The following SYN2 variants were observed in gnomAD, a reference collection of about 807,000 sequenced individuals.
SYN2 encodes synapsin II.
In SYN2, 19 loss-of-function variants were observed where a neutral mutation model predicts 50.9. The ratio of observed to expected loss-of-function variants is 0.37; its 90% CI spans 0.26 to 0.55. The LOEUF (loss-of-function observed/expected upper bound fraction) is 0.55. Ranked by LOEUF, SYN2 falls within the 20% of genes least tolerant of loss-of-function variation. The pLI is 0.81. For missense variants in SYN2, 587 were observed against 576.4 expected, an observed-to-expected ratio of 1.02 and a Z score of -0.19; for synonymous variants, 255 against 224.9, an observed-to-expected ratio of 1.13 and a Z score of -1.20.
intron 5 of SYN2, chr3:12,158,804 G>T (rs1405442097): frequency 6.2e-7 from 1 of 1,601,394 alleles, no homozygotes. Context: ...CGCAGCAACA[G>T]CACCCAGCTT....
At chr3:12,014,262 T>C (rs1004977065) in intron 1 of SYN2, among the ~76,000 whole-genome samples, 1 of 152,110 alleles carries the variant, frequency 6.6e-6, no homozygotes, top group African/African-American at 2.4e-5. Flanking sequence ...CTTTGCCATA[T>C]TGAATTGAGC....
At chr3:12,108,892 A>G (rs1406419884) in intron 1 of SYN2, among the ~76,000 whole-genome samples, 1 of 150,222 alleles carries the variant, frequency 6.7e-6, no homozygotes, top group Non-Finnish European at 1.5e-5. Flanking sequence ...CTTAAAAGAG[A>G]GGGAAGGAAA....
intron 1 of SYN2, chr3:12,071,572 C>T (rs1695355983): frequency 3.0e-6 from 1 of 338,730 alleles, no homozygotes; most frequent in African/African-American, 2.1e-5. Context: ...TAACTTTTAC[C>T]CCTTGGTATT....
intron 1 of SYN2, among the ~76,000 whole-genome samples, chr3:12,138,012 T>C (rs933673691): frequency 6.6e-6 from 1 of 152,226 alleles, no homozygotes; most frequent in Non-Finnish European, 1.5e-5. Flanking sequence ...CCCCAGATTG[T>C]GATTCCAGAG....
intron 1 of SYN2, among the ~76,000 whole-genome samples, chr3:12,078,545 A>T (rs1695520911): frequency 6.6e-6 from 1 of 152,160 alleles, no homozygotes; most frequent in Non-Finnish European, 1.5e-5. Flanking sequence ...TTCCAGCACC[A>T]TTTATTAAAT....
chr3:12,097,671 G>A (rs370113230), intron 1 of SYN2, among the ~76,000 whole-genome samples: 117 of 151,946 alleles, frequency 7.7e-4, no homozygotes, highest in African/African-American at 2.6e-3. Context: ...ATACTATGCA[G>A]CCATAAAAAA....
At chr3:12,133,910 A>G (rs1471728125) in intron 1 of SYN2, among the ~76,000 whole-genome samples, 1 of 152,252 alleles carries the variant, frequency 6.6e-6, no homozygotes, top group African/African-American at 2.4e-5. Flanking sequence ...GCAAATTAAT[A>G]CAGATGAAGT....
At chr3:12,050,186 C>T (rs1036662600) in intron 1 of SYN2, among the ~76,000 whole-genome samples, 1 of 152,120 alleles carries the variant, frequency 6.6e-6, no homozygotes, top group Non-Finnish European at 1.5e-5. Flanking sequence ...CAGGCATGAG[C>T]CACCGAACCC....
chr3:12,168,319 C>G, intron 8 of SYN2, 57 bp from the exon 9 acceptor site: 2 of 1,463,062 alleles, frequency 1.4e-6, no homozygotes, highest in Non-Finnish European at 1.9e-6. Flanking sequence ...GACTGGCAAG[C>G]AAGCTTTGTG....
intron 1 of SYN2, among the ~76,000 whole-genome samples, chr3:12,042,276 C>T (rs1694636584): frequency 1.3e-5 from 2 of 152,128 alleles, no homozygotes; most frequent in African/African-American, 4.8e-5. Flanking sequence ...TCTTAATTCT[C>T]CCCCAAATTT....
intron 1 of SYN2, among the ~76,000 whole-genome samples, chr3:12,078,930 C>T (rs779290908): frequency 2.5e-4 from 38 of 152,262 alleles, no homozygotes; most frequent in African/African-American, 6.5e-4. Context: ...TTCTTCCTGT[C>T]CGTGAACATG....
Position 12,190,803 on chromosome 3 carries a change from G to A in SYN2, c.*178G>A. 1 of 1,370,020 alleles carries A rather than the reference G, an allele frequency of 7.3e-7. No individual in the cohort carries two copies. 84.9% of individuals were successfully genotyped at this position (1,370,020 alleles called of 1,614,324 possible). On this transcript the variant is annotated 3_prime_UTR_variant, in exon 13 of 13. Coordinates refer to ENST00000621198, the MANE Select transcript of SYN2 (RefSeq NM_133625.6). Reference sequence around the variant, plus strand: ...AGAAAGGACCATTTGACAGTCTCAGGGCAGGTGCCTACCCAGCAAGGGGTA... The same window carrying A: ...AGAAAGGACCATTTGACAGTCTCAGAGCAGGTGCCTACCCAGCAAGGGGTA...
intron 1 of SYN2, among the ~76,000 whole-genome samples, chr3:12,063,009 T>C (rs1339746427): frequency 6.6e-6 from 1 of 152,098 alleles, no homozygotes. Flanking sequence ...TGAGTCCAAT[T>C]ATATGCCATT....
At chr3:12,054,336 G>T (rs974421207) in intron 1 of SYN2, among the ~76,000 whole-genome samples, 1 of 152,104 alleles carries the variant, frequency 6.6e-6, no homozygotes, top group African/African-American at 2.4e-5. Flanking sequence ...CAATTTTGGG[G>T]GAAGCAAGAT....
In SYN2 at chr3:12,162,173, T is replaced by C; in HGVS notation, c.980+19T>C. The C allele has an allele frequency of 1.9e-6, 3 of 1,612,212 alleles. No individual in the cohort carries two copies. Among genetic ancestry groups the C allele is most frequent in the Non-Finnish European group, 2.5e-6 (3 of 1,178,522 alleles). ...CTTACATGTGAGTAAGAGTGGGGTATGTTTTCTCCTCAGTGATGATGGAAA... is the reference window on the plus strand; with the variant it reads ...CTTACATGTGAGTAAGAGTGGGGTACGTTTTCTCCTCAGTGATGATGGAAA... On this transcript the variant is annotated intron_variant, in intron 7 of 12. Transcript: ENST00000621198.
rs1696891045 is a variant in SYN2, at chr3:12,136,257, C to G, written c.378-4394C>G. On this transcript the variant is annotated intron_variant, in intron 1 of 12. Coordinates refer to ENST00000621198, the MANE Select transcript of SYN2 (RefSeq NM_133625.6). ...TAAATTTCAGCATTTCCAAAACTTT[C>G]ATGTCATCTGATTTCATTAAATCTT... is the stretch of plus-strand genomic sequence containing the variant. Among the ~76,000 whole-genome samples, 3 of 152,240 alleles carry G rather than the reference C, an allele frequency of 2.0e-5. No homozygotes were observed. The South Asian group carries it at 6.2e-4, about 31-fold the overall frequency.
chr3:12,076,414 A>C (rs576311219), intron 1 of SYN2, among the ~76,000 whole-genome samples: 1 of 152,024 alleles, frequency 6.6e-6, no homozygotes, highest in African/African-American at 2.4e-5. Context: ...CTGTGTACAA[A>C]TTTTTGATTA....
At chr3:12,088,888 AAGG>A (rs1695768048) in intron 1 of SYN2, among the ~76,000 whole-genome samples, 1 of 152,186 alleles carries the variant, frequency 6.6e-6, no homozygotes, top group East Asian at 1.9e-4. Context: ...TGGAAGGGGA[AAGG>A]AGAACTGTTA....
chr3:12,028,392 G>C (rs1379051003), intron 1 of SYN2, among the ~76,000 whole-genome samples: 1 of 147,480 alleles, frequency 6.8e-6, no homozygotes. Flanking sequence ...TATATACCCA[G>C]TAATGGGATG....
Sources: gnomAD v4.1 joint callset for allele counts (sites outside exome capture counted in the v4.1 genomes callset) on GRCh38, gnomAD v4.1.1 for gene constraint, MANE v1.5 for transcripts, NCBI Gene and HGNC (gene_info 2026-07-23, HGNC 2026-07-21) for gene names.